The following KNTC1 variants were observed in gnomAD, a reference collection of about 807,000 sequenced individuals.
The protein encoded by KNTC1 is kinetochore associated 1, also known as kinetochore-associated protein 1.
A neutral mutation model predicts 314.4 loss-of-function variants in KNTC1; 253 were observed. That is an observed-to-expected ratio of 0.80 (90% confidence interval 0.73 to 0.89). The LOEUF is 0.89. Ranked by LOEUF, KNTC1 falls within the 40% of genes least tolerant of loss-of-function variation. The probability of loss-of-function intolerance (pLI) is 0.00; values close to 1 mark genes in which losing one functional copy is unlikely to be tolerated. For missense variants in KNTC1, 2,475 were observed against 2,572.9 expected, an observed-to-expected ratio of 0.96 and a Z score of 0.82; for synonymous variants, 901 against 901.4, an observed-to-expected ratio of 1.00 and a Z score of 0.01.
chr12:122,585,096 G>A, intron 36 of KNTC1, 106 bp downstream of exon 36: 1 of 672,322 alleles, frequency 1.5e-6, no homozygotes, highest in Non-Finnish European at 2.6e-6. Context: ...GGAGTGCAGT[G>A]GCATGATCAA....
rs549463829 is a variant in KNTC1 at position 122,553,456 on chromosome 12, G to A, written c.1272+1760G>A. On this transcript the variant is annotated intron_variant, in intron 16 of 63. Transcript: ENST00000333479. ...GATTCCTTGAGGTCAGGTGTTTGAG[G>A]CTATACTGCAATAAGATTGGCCTGT... Among the ~76,000 whole-genome samples, 4 of 152,190 alleles carry A rather than the reference G, an allele frequency of 2.6e-5. No individual in the cohort carries two copies. The South Asian group carries it at 6.2e-4, about 24-fold the overall frequency.
chr12:122,585,758 T>C lies in KNTC1; in HGVS notation c.3657T>C (p.Ser1219=), dbSNP rs1056119253. The C allele has an allele frequency of 5.6e-6, 9 of 1,613,638 alleles. No individual in the cohort carries two copies. In the African/African-American group the frequency reaches 8.0e-5, roughly 14 times the overall value. The change falls in exon 37 of 64, where the codon TCT becomes TCC. Residue 1219 remains serine, a synonymous_variant. Transcript: ENST00000333479. The part of the protein sequence containing the change: ...VLPVIYELIS[S]LVPLAESKRY... ...CAGTGATTTATGAACTGATTTCATC[T>C]CTTGTGCCTCTAGCTGGTAAGTCTT...
chr12:122,616,717 T>A (rs1047054229), intron 57 of KNTC1, among the ~76,000 whole-genome samples: 4 of 152,228 alleles, frequency 2.6e-5, no homozygotes, highest in African/African-American at 9.6e-5. Flanking sequence ...CACATGTAGA[T>A]CTATCTAATT....
In KNTC1 at chr12:122,568,243, C is replaced by A; in HGVS notation, c.1605-18C>A. ...ATTTTTTTTAAAACTGACTTTTTTC[C>A]CTTCTTTGTCTATTCAGTGGCAGTT... On this transcript the variant is annotated intron_variant, in intron 20 of 63. Transcript: ENST00000333479. 1 of 1,215,146 alleles carries A rather than the reference C, an allele frequency of 8.2e-7. No individual in the cohort carries two copies. The highest frequency in any genetic ancestry group is 1.4e-5 in the South Asian group (1 of 73,412). The allele number at this position is 1,215,146 out of a possible 1,614,324, so 75.3% of individuals were successfully genotyped here.
intron 16 of KNTC1, among the ~76,000 whole-genome samples, chr12:122,552,341 G>T (rs1432360817): frequency 6.6e-6 from 1 of 152,098 alleles, no homozygotes; most frequent in East Asian, 1.9e-4. Context: ...GGACTAGAAT[G>T]TAGGTTATAT....
Position 122,546,638 on chromosome 12 carries a change from G to T in KNTC1, c.780G>T (p.Gln260His). Residue 260 changes from glutamine (Q) to histidine (H), a missense_variant, in exon 10 of 64, where the codon CAG becomes CAT. By Grantham distance (24) the Gln-to-His change is conservative (BLOSUM62 0). Transcript: ENST00000333479. ...AEIIKGAKKF[Q>H]LIDNLLFVLD... ...CTTTTGTAGGTGCAAAGAAGTTCCAGCTGATAGACAATCTACTTTTTGTTC... is the reference window on the plus strand; with the variant it reads ...CTTTTGTAGGTGCAAAGAAGTTCCATCTGATAGACAATCTACTTTTTGTTC... 6.3e-7 allele frequency: 1 copy of T among 1,589,074 alleles called. No homozygotes were observed. The highest frequency in any genetic ancestry group is 1.1e-5 in the South Asian group (1 of 88,438).
At chr12:122,528,135 A>G (rs1472100198) in intron 1 of KNTC1, among the ~76,000 whole-genome samples, 4 of 152,236 alleles carry the variant, frequency 2.6e-5, no homozygotes, top group Non-Finnish European at 5.9e-5. Flanking sequence ...TAGGTATTCA[A>G]TAAACATTTG....
chr12:122,560,099 T>C (rs1342383871), intron 18 of KNTC1, among the ~76,000 whole-genome samples: 1 of 152,328 alleles, frequency 6.6e-6, no homozygotes, highest in Non-Finnish European at 1.5e-5. Context: ...CATTTAATCA[T>C]TTAAGACAGT....
intron 6 of KNTC1, among the ~76,000 whole-genome samples, chr12:122,543,053 C>T (rs1166791321): frequency 6.6e-6 from 1 of 152,052 alleles, no homozygotes; most frequent in Non-Finnish European, 1.5e-5. Flanking sequence ...ACTGGGATTA[C>T]AGGTGCGCAC....
At chr12:122,584,566 T>C in intron 35 of KNTC1, 116 bp downstream of exon 35, 1 of 693,646 alleles carries the variant, frequency 1.4e-6, no homozygotes, top group Non-Finnish European at 2.3e-6. Context: ...AGATAGTATC[T>C]GCATTTCACA....
chr12:122,624,236 A>G (rs1280116249), intron 62 of KNTC1, among the ~76,000 whole-genome samples: 1 of 151,748 alleles, frequency 6.6e-6, no homozygotes, highest in Admixed American at 6.6e-5. Context: ...TGGTCTTTAC[A>G]TTTTAATTTT....
chr12:122,620,197 C>A, intron 59 of KNTC1: 1 of 176,064 alleles, frequency 5.7e-6, no homozygotes, highest in Non-Finnish European at 1.2e-5. Context: ...GGTTTTGAGT[C>A]TTCTGAGAAT....
chr12:122,601,603 T>C lies in KNTC1; in HGVS notation c.4631T>C (p.Ile1544Thr). The change falls in exon 45 of 64, where the codon ATA becomes ACA. Residue 1544 changes from isoleucine to threonine, a missense_variant. Ile to Thr is a moderately conservative substitution (Grantham distance 89). Coordinates refer to ENST00000333479, the MANE Select transcript of KNTC1 (RefSeq NM_014708.6). Reference protein sequence around the residue: ...LKVIERADEKITNININQALS... With the variant: ...LKVIERADEKTTNININQALS... ...GTTATAGAACGAGCTGATGAAAAGA[T>C]AACCAATATTAATATTAATCAGGTA... is the stretch of plus-strand genomic sequence containing the variant. 6.5e-7 allele frequency: 1 copy of C among 1,529,932 alleles called. No homozygotes were observed. The highest frequency in any genetic ancestry group is 1.4e-5 in the African/African-American group (1 of 72,238). The allele number at this position is 1,529,932 out of a possible 1,614,324, so 94.8% of individuals were successfully genotyped here.
chr12:122,605,724 T>C (rs1872515712), intron 51 of KNTC1, among the ~76,000 whole-genome samples: 1 of 152,022 alleles, frequency 6.6e-6, no homozygotes, highest in Non-Finnish European at 1.5e-5. Context: ...TTTTGTATTT[T>C]TGGTAGAGAC....
chr12:122,554,071 AAAAAAATATATATATAT>A (rs1963391558), intron 16 of KNTC1, among the ~76,000 whole-genome samples: 1 of 78,956 alleles, frequency 1.3e-5, no homozygotes, highest in African/African-American at 4.8e-5. Context: ...CCTTAAAAAA[AAAAAAATATATATATAT>A]ATATATATAT....
At chr12:122,531,048 C>CT (rs879544737) in intron 2 of KNTC1, among the ~76,000 whole-genome samples, 134 of 142,776 alleles carry the variant, frequency 9.4e-4, no homozygotes, top group African/African-American at 2.2e-3. Flanking sequence ...GTATTTAATT[C>CT]TTTTTTTTTT....
rs750964606 is a variant in KNTC1 at position 122,575,556 on chromosome 12, CCG to C, written c.2397_2398del (p.Val800AlafsTer66). The C allele has an allele frequency of 5.0e-6, 8 of 1,588,420 alleles. No homozygotes were observed. The highest frequency in any genetic ancestry group is 6.9e-6 in the Non-Finnish European group (8 of 1,166,700). On this transcript the variant is annotated frameshift_variant, in exon 28 of 64. Coordinates refer to ENST00000333479, the MANE Select transcript of KNTC1 (RefSeq NM_014708.6). LOFTEE classifies it high-confidence loss of function. ...CATCTTTTGTAGCTCATATTTGATG[CCG>C]TGCTCAAGATCATGTATGCGGCAGT...
At chr12:122,592,122 C>T (rs1264904079) in intron 42 of KNTC1, among the ~76,000 whole-genome samples, 1 of 152,218 alleles carries the variant, frequency 6.6e-6, no homozygotes, top group Non-Finnish European at 1.5e-5. Flanking sequence ...CTCGGAGCGG[C>T]CGGCCGGCCC....
intron 42 of KNTC1, 72 bp from the exon 43 acceptor site, chr12:122,594,204 G>C: frequency 1.2e-6 from 1 of 826,204 alleles, no homozygotes; most frequent in Non-Finnish European, 2.0e-6. Flanking sequence ...GGCAAGTCAT[G>C]ATGTTGCCCT....
Sources: gnomAD v4.1 joint callset for allele counts (sites outside exome capture counted in the v4.1 genomes callset) on GRCh38, gnomAD v4.1.1 for gene constraint, MANE v1.5 for transcripts, NCBI Gene and HGNC (gene_info 2026-07-23, HGNC 2026-07-21) for gene names.